Variants in GADL1 observed in about 807,000 individuals in gnomAD.
The protein encoded by GADL1 is acidic amino acid decarboxylase GADL1.
A neutral mutation model predicts 69.5 loss-of-function variants in GADL1; 71 were observed. That is an observed-to-expected ratio of 1.02 (90% CI 0.84 to 1.25). The LOEUF (loss-of-function observed/expected upper bound fraction) is 1.25, where lower values mean the gene tolerates loss of function less well. GADL1 is among the 50% of genes most tolerant of loss of function. GADL1 has a pLI of 0.00. For synonymous variants in GADL1, 254 were observed against 214.4 expected (o/e 1.18, Z -1.62); for missense variants, 737 against 631.8 (o/e 1.17, Z -1.79).
chr3:30,729,851 T>C (rs78908065), intron 14 of GADL1, among the ~76,000 whole-genome samples: 1,570 of 152,288 alleles, frequency 0.01, 28 homozygotes, highest in African/African-American at 0.036. Flanking sequence ...ACACAGTGCT[T>C]GCAATAACAA....
intron 11 of GADL1, among the ~76,000 whole-genome samples, chr3:30,817,609 T>C (rs758490165): frequency 6.6e-6 from 1 of 152,214 alleles, no homozygotes; most frequent in African/African-American, 2.4e-5. Context: ...TATAAATTTC[T>C]GGTTCACACT....
At chr3:30,796,573 A>AT (rs1697036769) in intron 12 of GADL1, among the ~76,000 whole-genome samples, 1 of 152,102 alleles carries the variant, frequency 6.6e-6, no homozygotes, top group Admixed American at 6.6e-5. Context: ...AGAGAGGAGT[A>AT]CTTTATCTTT....
chr3:30,737,187 T>C (rs376618491), intron 14 of GADL1, among the ~76,000 whole-genome samples: 7 of 152,248 alleles, frequency 4.6e-5, no homozygotes, highest in African/African-American at 1.7e-4. Flanking sequence ...ACCCAAATGC[T>C]CTTTTTCATG....
intron 2 of GADL1, among the ~76,000 whole-genome samples, chr3:30,859,657 AAATTAT>A (rs939490179): frequency 2.6e-5 from 4 of 151,978 alleles, no homozygotes; most frequent in African/African-American, 9.7e-5. Flanking sequence ...TACTGAATAT[AAATTAT>A]AATTCAGTTT....
intron 14 of GADL1, among the ~76,000 whole-genome samples, chr3:30,731,184 G>A (rs752005082): frequency 2.6e-4 from 40 of 152,194 alleles, no homozygotes; most frequent in Non-Finnish European, 4.8e-4. Context: ...TTGCGGTTCT[G>A]TGGTTCTTGT....
At chr3:30,871,298 T>C (rs1698478797) in intron 1 of GADL1, among the ~76,000 whole-genome samples, 1 of 150,972 alleles carries the variant, frequency 6.6e-6, no homozygotes, top group Non-Finnish European at 1.5e-5. Context: ...TGGTGTAAAG[T>C]TTAGGTGTGA....
At chr3:30,890,408 A>C (rs112625842) in intron 1 of GADL1, among the ~76,000 whole-genome samples, 35 of 152,340 alleles carry the variant, frequency 2.3e-4, no homozygotes, top group Non-Finnish European at 4.4e-4. Context: ...AATTACAAGC[A>C]TGTAAAAAAG....
rs1271029504 is a variant in GADL1 at position 30,778,284 on chromosome 3, AAT to A, written c.1303-18_1303-17del. On this transcript the variant is annotated splice_polypyrimidine_tract_variant and intron_variant, in intron 13 of 14. Transcript: ENST00000282538. Reference sequence around the variant, plus strand: ...CATATTCAGGCTGAGAATTAGAAAAAATATAAAGTTGTTATCTTAAGATTTAT... The same window carrying A: ...CATATTCAGGCTGAGAATTAGAAAAAATAAAGTTGTTATCTTAAGATTTAT... The A allele has an allele frequency of 4.0e-6, 6 of 1,492,162 alleles. No individual in the cohort carries two copies. The highest frequency in any genetic ancestry group is 2.3e-5 in the South Asian group (2 of 87,620). The allele number at this position is 1,492,162 out of a possible 1,614,324, so 92.4% of individuals were successfully genotyped here.
chr3:30,736,757 A>G (rs1225076888), intron 14 of GADL1, among the ~76,000 whole-genome samples: 1 of 152,190 alleles, frequency 6.6e-6, no homozygotes, highest in Non-Finnish European at 1.5e-5. Context: ...GATAAAGTCA[A>G]CTTACATTTT....
intron 1 of GADL1, among the ~76,000 whole-genome samples, chr3:30,871,517 G>A (rs985943298): frequency 6.6e-6 from 1 of 151,774 alleles, no homozygotes; most frequent in Non-Finnish European, 1.5e-5. Flanking sequence ...CTCTCCTCCA[G>A]TAAGTCTATG....
chr3:30,804,045 C>G (rs1697210139), intron 11 of GADL1, among the ~76,000 whole-genome samples: 1 of 152,158 alleles, frequency 6.6e-6, no homozygotes, highest in Non-Finnish European at 1.5e-5. Context: ...TAATTCAACT[C>G]TCCTCAGCGG....
intron 14 of GADL1, among the ~76,000 whole-genome samples, chr3:30,753,514 T>C (rs1458774365): frequency 6.6e-6 from 1 of 151,688 alleles, no homozygotes; most frequent in Non-Finnish European, 1.5e-5. Flanking sequence ...AGTTTCTTTG[T>C]AGAAAGGTGA....
intron 14 of GADL1, among the ~76,000 whole-genome samples, chr3:30,735,436 T>C (rs535076151): frequency 1.3e-5 from 2 of 152,168 alleles, no homozygotes; most frequent in African/African-American, 2.4e-5. Context: ...GTGGTATACC[T>C]ATACAATGGA....
intron 1 of GADL1, among the ~76,000 whole-genome samples, chr3:30,872,182 A>T (rs925292912): frequency 6.6e-6 from 1 of 151,914 alleles, no homozygotes; most frequent in African/African-American, 2.4e-5. Context: ...CATGAAAAAA[A>T]TTTGACTTAA....
At position 30,727,109 on chromosome 3, in the gene GADL1, ACAT is replaced by A. The variant is rs1483645380; in HGVS notation, c.*1130_*1132del. ...GTATATATATATATACTATACACAC[ACAT>A]ATGTATGTGTGTGTATATATATACA... is the stretch of plus-strand genomic sequence containing the variant. On this transcript the variant is annotated 3_prime_UTR_variant, in exon 15 of 15. Coordinates refer to ENST00000282538, the MANE Select transcript of GADL1 (RefSeq NM_207359.3). 2.6e-5 allele frequency: 4 copies of A among 151,246 alleles called. No individual in the cohort carries two copies. The highest frequency in any genetic ancestry group is 5.9e-5 in the Non-Finnish European group (4 of 67,838). The allele number at this position is 151,246 out of a possible 1,614,324, so 9.4% of individuals were successfully genotyped here. A position where few individuals can be genotyped will look rare whatever the true frequency, so the allele number is the denominator to read the frequency against.
At chr3:30,804,292 C>A (rs1036321412) in intron 11 of GADL1, among the ~76,000 whole-genome samples, 1 of 149,176 alleles carries the variant, frequency 6.7e-6, no homozygotes, top group Non-Finnish European at 1.5e-5. Flanking sequence ...AGCCTGAAAA[C>A]CAAAGCTTCC....
chr3:30,838,206 G>C (rs944267759), intron 9 of GADL1, among the ~76,000 whole-genome samples: 1 of 151,780 alleles, frequency 6.6e-6, no homozygotes, highest in Non-Finnish European at 1.5e-5. Flanking sequence ...TTGTCTCTTT[G>C]GTTAGAATCA....
chr3:30,785,248 T>C (rs564099716), intron 13 of GADL1, among the ~76,000 whole-genome samples: 2 of 152,314 alleles, frequency 1.3e-5, no homozygotes, highest in Admixed American at 6.5e-5. Flanking sequence ...TGCCTTTCAG[T>C]TTCCACTTGA....
chr3:30,765,132 C>G (rs1268092671), intron 14 of GADL1, among the ~76,000 whole-genome samples: 1 of 150,860 alleles, frequency 6.6e-6, no homozygotes, highest in African/African-American at 2.4e-5. Flanking sequence ...AGAGGTAGTT[C>G]CCTCAAAGGC....
Sources: allele counts gnomAD v4.1 joint callset (sites outside exome capture counted in the v4.1 genomes callset), GRCh38; gene constraint gnomAD v4.1.1; transcripts MANE v1.5; gene names NCBI Gene and HGNC (gene_info 2026-07-23, HGNC 2026-07-21).